Variants in RELL1 observed in about 807,000 individuals in gnomAD.
The protein encoded by RELL1 is RELT like 1, also known as RELT-like protein 1.
Under a neutral mutation model 23.0 loss-of-function variants are expected in RELL1, and 10 were observed. The ratio of observed to expected loss-of-function variants is 0.43; its 90% CI spans 0.27 to 0.74. The LOEUF is 0.74. Ranked by LOEUF, RELL1 falls within the 30% of genes least tolerant of loss-of-function variation. The probability of loss-of-function intolerance (pLI) is 0.19; values close to 1 mark genes in which losing one functional copy is unlikely to be tolerated. For synonymous variants in RELL1, 146 were observed against 146.8 expected (o/e 0.99, Z 0.04); for missense variants, 315 against 364.4 (o/e 0.86, Z 1.10).
At chr4:37,656,127 G>A (rs971205840) in intron 1 of RELL1, among the ~76,000 whole-genome samples, 3 of 152,086 alleles carry the variant, frequency 2.0e-5, no homozygotes, top group Admixed American at 1.3e-4. Context: ...ATAGACAAAG[G>A]GATAAAGAAA....
chr4:37,605,806 A>AGAAAGAAAGAGAGAAAGAAAGT (rs1719185319), downstream of RELL1, among the ~76,000 whole-genome samples: 3 of 108,262 alleles, frequency 2.8e-5, no homozygotes, highest in East Asian at 6.2e-4. Context: ...AAAGAAAGAA[A>AGAAAGAAAGAGAGAAAGAAAGT]GAAAGAAAGA....
intron 6 of RELL1, among the ~76,000 whole-genome samples, chr4:37,598,788 G>A (rs1403185188): frequency 6.6e-5 from 10 of 151,976 alleles, no homozygotes; most frequent in African/African-American, 2.2e-4. Context: ...AGCTTCAAGC[G>A]ATTCTCCTGT....
At chr4:37,587,201 C>T (rs1718380908), downstream of RELL1, among the ~76,000 whole-genome samples, 1 of 152,148 alleles carries the variant, frequency 6.6e-6, no homozygotes, top group Admixed American at 6.5e-5. Context: ...CCCTCCACCT[C>T]CTTCTCATAA....
chr4:37,599,395 G>C (rs565497576), intron 6 of RELL1, among the ~76,000 whole-genome samples: 1 of 152,144 alleles, frequency 6.6e-6, no homozygotes, highest in Non-Finnish European at 1.5e-5. Flanking sequence ...TTGATTGGTC[G>C]AAGAGTACAG....
chr4:37,598,075 C>CAAA (rs1718917496), intron 6 of RELL1, among the ~76,000 whole-genome samples: 1 of 36,730 alleles, frequency 2.7e-5, no homozygotes, highest in Non-Finnish European at 5.9e-5. Flanking sequence ...ATATATATAT[C>CAAA]ATAATATATA....
chr4:37,644,189 AG>A (rs1349500292), intron 3 of RELL1, among the ~76,000 whole-genome samples: 1 of 152,018 alleles, frequency 6.6e-6, no homozygotes, highest in African/African-American at 2.4e-5. Context: ...AAAAAGAAAA[AG>A]AAAAAAAAAC....
intron 1 of RELL1, among the ~76,000 whole-genome samples, chr4:37,653,370 A>ACAAG (rs1465581575): frequency 0.25 from 12,122 of 48,310 alleles, 1,000 homozygotes; most frequent in Middle Eastern, 0.34. Context: ...AAACCTCAAT[A>ACAAG]TTCAATACAA....
chr4:37,657,616 G>T (rs17423530), intron 1 of RELL1, among the ~76,000 whole-genome samples: 34,535 of 152,056 alleles, frequency 0.23, 4,662 homozygotes, highest in Middle Eastern at 0.36. Flanking sequence ...GAAAGTTGCG[G>T]GAACAGGTGC....
chr4:37,646,104 G>A (rs902114256), intron 3 of RELL1, among the ~76,000 whole-genome samples: 1 of 152,178 alleles, frequency 6.6e-6, no homozygotes, highest in Non-Finnish European at 1.5e-5. Context: ...ACAAAGCCCA[G>A]GGGAAACATT....
At position 37,664,003 on chromosome 4, in the gene RELL1, A is replaced by T. The variant is rs541529288; in HGVS notation, c.89-14503T>A. Among the ~76,000 whole-genome samples the T allele has an allele frequency of 3.3e-5, 5 of 152,362 alleles. No homozygotes were observed. In the South Asian group the frequency reaches 1.0e-3, roughly 32 times the overall value. ...TAAAAAAAAGACTGAAGTCAGCTGTAGGTGAATGAAATTTGTAGTGGCTTC... is the reference window on the plus strand; with the variant it reads ...TAAAAAAAAGACTGAAGTCAGCTGTTGGTGAATGAAATTTGTAGTGGCTTC... On this transcript the variant is annotated intron_variant, in intron 1 of 6. Transcript: ENST00000454158.
At chr4:37,672,427 C>T (rs1721864361) in intron 1 of RELL1, among the ~76,000 whole-genome samples, 1 of 152,176 alleles carries the variant, frequency 6.6e-6, no homozygotes, top group African/African-American at 2.4e-5. Flanking sequence ...TCAAATATAT[C>T]ATTTGTATTA....
chr4:37,640,955 G>T (rs1720511833), intron 3 of RELL1, among the ~76,000 whole-genome samples: 1 of 152,140 alleles, frequency 6.6e-6, no homozygotes, highest in Admixed American at 6.5e-5. Flanking sequence ...GCACATACAG[G>T]AGTGAGCTTT....
intron 1 of RELL1, among the ~76,000 whole-genome samples, chr4:37,662,021 G>A (rs10013338): frequency 2.4e-4 from 37 of 151,786 alleles, no homozygotes; most frequent in Non-Finnish European, 4.3e-4. Flanking sequence ...CCCACCCAAC[G>A]CCAGCTGCAT....
At chr4:37,659,917 T>C (rs1482339419) in intron 1 of RELL1, among the ~76,000 whole-genome samples, 1 of 152,084 alleles carries the variant, frequency 6.6e-6, no homozygotes, top group African/African-American at 2.4e-5. Flanking sequence ...TAGCAATTCT[T>C]CCTCTCCTTA....
chr4:37,613,737 T>C (rs750031549), intron 6 of RELL1, among the ~76,000 whole-genome samples: 1 of 152,228 alleles, frequency 6.6e-6, no homozygotes, highest in Non-Finnish European at 1.5e-5. Flanking sequence ...AACACAATGA[T>C]TAAATATTCC....
At chr4:37,639,084 T>G (rs1720432841) in intron 3 of RELL1, among the ~76,000 whole-genome samples, 1 of 152,082 alleles carries the variant, frequency 6.6e-6, no homozygotes, top group Non-Finnish European at 1.5e-5. Context: ...TGGCCAGATA[T>G]CTTAAAATTT....
chr4:37,595,957 T>C (rs955858642), intron 6 of RELL1, among the ~76,000 whole-genome samples: 4 of 152,266 alleles, frequency 2.6e-5, no homozygotes, highest in African/African-American at 9.6e-5. Context: ...TGTAATGACA[T>C]CCAGATCTCA....
intron 1 of RELL1, among the ~76,000 whole-genome samples, chr4:37,678,492 C>G (rs1173972026): frequency 6.6e-6 from 1 of 152,250 alleles, no homozygotes; most frequent in Non-Finnish European, 1.5e-5. Flanking sequence ...AGACCCTACT[C>G]CTTCGGGCAC....
chr4:37,647,995 G>A (rs185806597), intron 2 of RELL1, among the ~76,000 whole-genome samples: 89 of 152,190 alleles, frequency 5.8e-4, no homozygotes, highest in African/African-American at 2.0e-3. Context: ...CATACATGAC[G>A]GTCTTTGGGA....
Sources: gnomAD v4.1 joint callset for allele counts (sites outside exome capture counted in the v4.1 genomes callset) on GRCh38, gnomAD v4.1.1 for gene constraint, MANE v1.5 for transcripts, NCBI Gene and HGNC (gene_info 2026-07-23, HGNC 2026-07-21) for gene names.